Variants in KIAA0319L observed in about 807,000 individuals in gnomAD.
The protein encoded by KIAA0319L is dyslexia-associated protein KIAA0319-like protein.
A neutral mutation model predicts 120.1 loss-of-function variants in KIAA0319L; 55 were observed. That is an observed-to-expected ratio of 0.46 (90% CI 0.37 to 0.57). The LOEUF (loss-of-function observed/expected upper bound fraction) is 0.57. Ranked by LOEUF, KIAA0319L falls within the 20% of genes least tolerant of loss-of-function variation. The pLI is 0.00. For missense variants in KIAA0319L, 1,049 were observed against 1,255.3 expected (o/e 0.84, Z 2.48); for synonymous variants, 398 against 471.9 (o/e 0.84, Z 2.03).
chr1:35,479,817 C>T (rs558653956), intron 3 of KIAA0319L, among the ~76,000 whole-genome samples: 2 of 151,630 alleles, frequency 1.3e-5, no homozygotes, highest in South Asian at 2.1e-4. Context: ...GTGGGAGAAT[C>T]GCTTGAGCCT....
chr1:35,439,323 C>A (rs1641031745), intron 20 of KIAA0319L: 1 of 152,252 alleles, frequency 6.6e-6, no homozygotes, highest in Admixed American at 6.5e-5. Context: ...TGTTTTTCTT[C>A]ATAAAGGCCT....
chr1:35,517,429 T>C (rs149243752), intron 2 of KIAA0319L, among the ~76,000 whole-genome samples: 1 of 151,542 alleles, frequency 6.6e-6, no homozygotes, highest in African/African-American at 2.4e-5. Context: ...AACATCTGAG[T>C]TTTGACAAAG....
intron 2 of KIAA0319L, among the ~76,000 whole-genome samples, chr1:35,545,484 G>A (rs1304451084): frequency 1.3e-5 from 2 of 152,176 alleles, no homozygotes; most frequent in Non-Finnish European, 2.9e-5. Flanking sequence ...GGGAAAGCAC[G>A]AGAAAGGAGC....
At chr1:35,557,608 C>A, upstream of KIAA0319L, 1 of 450,054 alleles carries the variant, frequency 2.2e-6, no homozygotes, top group Admixed American at 2.4e-5. Flanking sequence ...GCAGTCTGCA[C>A]CTTGCCTCCT....
intron 7 of KIAA0319L, among the ~76,000 whole-genome samples, chr1:35,465,045 T>A (rs1034528445): frequency 3.3e-5 from 5 of 152,208 alleles, no homozygotes; most frequent in African/African-American, 9.6e-5. Context: ...GGGGCTCTCA[T>A]GGAGAACCTC....
chr1:35,448,215 G>C lies in KIAA0319L; in HGVS notation c.2471C>G (p.Ser824Cys). Residue 824 changes from serine (S) to cysteine (C), a missense_variant, in exon 16 of 21, where the codon TCC becomes TGC. Transcript: ENST00000325722. ...CTGAATCTTTTGCACAATGATGTCGGAATCCAGCACCCCCAGGAGGACCCC... is the reference window on the plus strand; with the variant it reads ...CTGAATCTTTTGCACAATGATGTCGCAATCCAGCACCCCCAGGAGGACCCC... ...QIGVLLGVLD[S>C]DIIVQKIQPY... 2.5e-6 allele frequency: 4 copies of C among 1,613,976 alleles called. No homozygotes were observed. Among genetic ancestry groups the C allele is most frequent in the Non-Finnish European group, 2.5e-6 (3 of 1,179,952 alleles).
At chr1:35,519,412 C>T (rs1039760136) in intron 2 of KIAA0319L, among the ~76,000 whole-genome samples, 18 of 152,312 alleles carry the variant, frequency 1.2e-4, no homozygotes, top group South Asian at 4.1e-4. Context: ...ACGTAAACTT[C>T]CACTGCTCTC....
chr1:35,460,611 T>C (rs1642821916), intron 8 of KIAA0319L, among the ~76,000 whole-genome samples, 174 bp from the exon 9 acceptor site: 1 of 152,216 alleles, frequency 6.6e-6, no homozygotes, highest in Non-Finnish European at 1.5e-5. Flanking sequence ...ATTCTGCCTC[T>C]CTATGTATAT....
chr1:35,530,353 T>C (rs1240994321), intron 2 of KIAA0319L, among the ~76,000 whole-genome samples: 3 of 152,154 alleles, frequency 2.0e-5, no homozygotes, highest in Non-Finnish European at 4.4e-5. Context: ...TCTTCTGCTT[T>C]ATCATCTAGT....
intron 2 of KIAA0319L, chr1:35,533,137 A>T (rs1646437219): frequency 6.6e-6 from 1 of 152,270 alleles, no homozygotes; most frequent in African/African-American, 2.4e-5. Context: ...AACTCTGGAA[A>T]TATTTAAAGA....
intron 5 of KIAA0319L, 124 bp from the exon 6 acceptor site, chr1:35,471,084 C>T (rs1477415061): frequency 3.0e-6 from 2 of 677,702 alleles, no homozygotes; most frequent in Non-Finnish European, 5.3e-6. Flanking sequence ...AAGATTTCAC[C>T]CCAAAGCCTG....
intron 3 of KIAA0319L, among the ~76,000 whole-genome samples, chr1:35,504,473 G>A (rs990341466): frequency 6.6e-6 from 1 of 152,206 alleles, no homozygotes; most frequent in Non-Finnish European, 1.5e-5. Context: ...TGGGATTACA[G>A]GCATAAGCCA....
At chr1:35,515,353 T>C (rs1163090534) in intron 2 of KIAA0319L, among the ~76,000 whole-genome samples, 1 of 149,458 alleles carries the variant, frequency 6.7e-6, no homozygotes, top group East Asian at 2.0e-4. Context: ...CCAAACACAC[T>C]CTTAGACCAC....
chr1:35,460,250 C>G, intron 9 of KIAA0319L, 55 bp downstream of exon 9: 8 of 1,477,458 alleles, frequency 5.4e-6, no homozygotes, highest in Non-Finnish European at 7.5e-6. Flanking sequence ...AATGTAAAAC[C>G]CACGAGAGGC....
At chr1:35,546,391 C>T (rs1370587069) in intron 2 of KIAA0319L, among the ~76,000 whole-genome samples, 1 of 152,144 alleles carries the variant, frequency 6.6e-6, no homozygotes, top group African/African-American at 2.4e-5. Context: ...ATAAAGGCGT[C>T]CAACTAGGAA....
chr1:35,477,612 A>T (rs369780215), intron 4 of KIAA0319L, among the ~76,000 whole-genome samples: 1 of 146,072 alleles, frequency 6.8e-6, no homozygotes, highest in Admixed American at 7.1e-5. Context: ...GCTTGCAGTG[A>T]GCCGAGATTG....
At chr1:35,518,323 C>T (rs571026534) in intron 2 of KIAA0319L, among the ~76,000 whole-genome samples, 3 of 152,140 alleles carry the variant, frequency 2.0e-5, no homozygotes, top group Non-Finnish European at 4.4e-5. Flanking sequence ...CCTAAATGTT[C>T]ATCAGTGACA....
intron 3 of KIAA0319L, among the ~76,000 whole-genome samples, chr1:35,486,883 C>T (rs1644409220): frequency 6.6e-6 from 1 of 152,150 alleles, no homozygotes; most frequent in Non-Finnish European, 1.5e-5. Flanking sequence ...TGCACTCCAG[C>T]CTGGGCAACA....
chr1:35,458,085 G>C (rs1326002300), intron 9 of KIAA0319L, among the ~76,000 whole-genome samples: 1 of 152,122 alleles, frequency 6.6e-6, no homozygotes, highest in Non-Finnish European at 1.5e-5. Context: ...ACAGCTACCT[G>C]CCACCATGCT....
Sources: gnomAD v4.1 joint callset for allele counts (sites outside exome capture counted in the v4.1 genomes callset) on GRCh38, gnomAD v4.1.1 for gene constraint, MANE v1.5 for transcripts, NCBI Gene and HGNC (gene_info 2026-07-23, HGNC 2026-07-21) for gene names.